Variants in ME3 observed in about 807,000 individuals in gnomAD.
ME3 encodes the protein malic enzyme 3.
In ME3, 48 loss-of-function variants were observed where a neutral mutation model predicts 68.9. The ratio of observed to expected loss-of-function variants is 0.70; its 90% CI spans 0.55 to 0.89. The LOEUF is 0.89. Among genes scored for constraint, ME3 ranks in the 40% least tolerant of loss-of-function variants. ME3 has a pLI of 0.00. For missense variants in ME3, 675 were observed against 797.4 expected (o/e 0.85, Z 1.85); for synonymous variants, 320 against 318.8 (o/e 1.00, Z -0.04).
At chr11:86,438,410 C>T (rs1376799594), downstream of ME3, among the ~76,000 whole-genome samples, 1 of 151,958 alleles carries the variant, frequency 6.6e-6, no homozygotes, top group Non-Finnish European at 1.5e-5. Flanking sequence ...ATTTTTTCAT[C>T]TATATTCATG....
intron 2 of ME3, among the ~76,000 whole-genome samples, chr11:86,601,605 A>G (rs1960672869): frequency 6.6e-6 from 1 of 152,090 alleles, no homozygotes; most frequent in Non-Finnish European, 1.5e-5. Context: ...TCATTTTATG[A>G]GGCCAGCATC....
intron 4 of ME3, among the ~76,000 whole-genome samples, chr11:86,547,354 A>C (rs1191876056): frequency 1.3e-5 from 2 of 152,084 alleles, no homozygotes; most frequent in African/African-American, 2.4e-5. Context: ...GCTGGAAACC[A>C]TCATTCTCAG....
chr11:86,655,817 C>G (rs1945827356), intron 2 of ME3, among the ~76,000 whole-genome samples: 2 of 151,898 alleles, frequency 1.3e-5, no homozygotes, highest in Non-Finnish European at 2.9e-5. Context: ...AGGCAACCTA[C>G]AAAATGGGAG....
chr11:86,449,271 G>A (rs10898483), intron 10 of ME3, among the ~76,000 whole-genome samples: 81,747 of 152,146 alleles, frequency 0.54, 22,377 homozygotes, highest in South Asian at 0.69. Context: ...CTCTCAACAC[G>A]TGCTAGCTGG....
chr11:86,450,853 T>C (rs1949590789), intron 8 of ME3, among the ~76,000 whole-genome samples: 3 of 152,332 alleles, frequency 2.0e-5, no homozygotes, highest in South Asian at 4.1e-4. Flanking sequence ...AGGTTGGCTG[T>C]GTCTGGTCGC....
chr11:86,622,680 T>C (rs1290940690), intron 2 of ME3: 1 of 152,096 alleles, frequency 6.6e-6, no homozygotes, highest in Non-Finnish European at 1.5e-5. Flanking sequence ...CTCCTGTGTA[T>C]ATTTTTTGAT....
At chr11:86,492,195 TCA>T (rs1382765629) in intron 6 of ME3, among the ~76,000 whole-genome samples, 1 of 152,250 alleles carries the variant, frequency 6.6e-6, no homozygotes, top group Admixed American at 6.5e-5. Context: ...ATGATTTCTA[TCA>T]CACAATGCAA....
At chr11:86,650,765 C>T (rs978927096) in intron 2 of ME3, among the ~76,000 whole-genome samples, 1 of 152,148 alleles carries the variant, frequency 6.6e-6, no homozygotes, top group African/African-American at 2.4e-5. Flanking sequence ...GTGGGTGCAG[C>T]ACACCGAGCG....
chr11:86,467,672 C>T (rs1018225697), intron 7 of ME3, among the ~76,000 whole-genome samples: 2 of 49,028 alleles, frequency 4.1e-5, no homozygotes, highest in African/African-American at 1.3e-4. Context: ...TTCTCTCTCT[C>T]TCTCTCTCTC....
At chr11:86,485,501 A>G (rs1951633652) in intron 7 of ME3, among the ~76,000 whole-genome samples, 2 of 152,146 alleles carry the variant, frequency 1.3e-5, no homozygotes, top group Non-Finnish European at 2.9e-5. Flanking sequence ...CCATATCCCA[A>G]TAGCAGCCCT....
intron 2 of ME3, among the ~76,000 whole-genome samples, chr11:86,638,230 G>A (rs911626612): frequency 6.6e-6 from 1 of 152,234 alleles, no homozygotes; most frequent in East Asian, 1.9e-4. Context: ...GTGAGGTTGT[G>A]GTACTGGAAA....
chr11:86,536,138 G>T (rs138828566), intron 4 of ME3, among the ~76,000 whole-genome samples: 3,059 of 152,314 alleles, frequency 0.02, 68 homozygotes, highest in Middle Eastern at 0.044. Context: ...GGGCTGCCTT[G>T]TCTGTTGCAC....
At position 86,559,826 on chromosome 11, in the gene ME3, G is replaced by C; in HGVS notation, c.184-3C>G. The C allele has an allele frequency of 1.2e-6, 2 of 1,612,666 alleles. No individual in the cohort carries two copies. The highest frequency in any genetic ancestry group is 1.7e-6 in the Non-Finnish European group (2 of 1,179,162). On this transcript the variant is annotated splice_polypyrimidine_tract_variant and splice_region_variant and intron_variant, in intron 2 of 14. Coordinates refer to ENST00000543262, the Ensembl canonical transcript of ME3. Reference sequence around the variant, plus strand: ...TCTTCAAGGGTAAAGGCCATCCCCTGGGAAAAACAGGAAAAGAACACCCAC... The same window carrying C: ...TCTTCAAGGGTAAAGGCCATCCCCTCGGAAAAACAGGAAAAGAACACCCAC...
At chr11:86,633,032 G>T (rs1412465633) in intron 2 of ME3, among the ~76,000 whole-genome samples, 1 of 152,182 alleles carries the variant, frequency 6.6e-6, no homozygotes, top group Admixed American at 6.5e-5. Flanking sequence ...GGATGTTGAG[G>T]GTTCCCACAG....
intron 4 of ME3, among the ~76,000 whole-genome samples, chr11:86,528,189 A>C (rs1006737587): frequency 1.6e-4 from 24 of 152,234 alleles, no homozygotes; most frequent in African/African-American, 5.5e-4. Context: ...AAACAAAAAA[A>C]GGCAGGGGTT....
intron 2 of ME3, among the ~76,000 whole-genome samples, chr11:86,597,342 G>A (rs1177540720): frequency 6.6e-6 from 1 of 152,234 alleles, no homozygotes; most frequent in African/African-American, 2.4e-5. Context: ...GATAGAGACA[G>A]TTAGCAGCTT....
intron 2 of ME3, among the ~76,000 whole-genome samples, chr11:86,634,407 C>G (rs1350299170): frequency 6.6e-6 from 1 of 152,152 alleles, no homozygotes; most frequent in African/African-American, 2.4e-5. Flanking sequence ...TCAGCATGCC[C>G]GTGGGACAGC....
chr11:86,503,910 T>G (rs550579848), intron 5 of ME3, among the ~76,000 whole-genome samples: 57 of 152,248 alleles, frequency 3.7e-4, no homozygotes, highest in African/African-American at 1.3e-3. Context: ...CTCCAGGCAA[T>G]GGCCACTGTG....
rs1395192285 is a variant in ME3, at chr11:86,448,258, A to G, written c.1132-3T>C. On this transcript the variant is annotated splice_polypyrimidine_tract_variant and splice_region_variant and intron_variant, in intron 10 of 14. Coordinates refer to ENST00000543262, the Ensembl canonical transcript of ME3. ...TCATGGTTCAGGTGGCTCCTCCCCTACAGGAAAAGGAACACAGAGCAGTTG... is the reference window on the plus strand; with the variant it reads ...TCATGGTTCAGGTGGCTCCTCCCCTGCAGGAAAAGGAACACAGAGCAGTTG... 3 of 1,609,846 alleles carry G rather than the reference A, an allele frequency of 1.9e-6. No homozygotes were observed. Among genetic ancestry groups the G allele is most frequent in the East Asian group, 2.2e-5 (1 of 44,874 alleles).
Sources: allele counts gnomAD v4.1 joint callset (sites outside exome capture counted in the v4.1 genomes callset), GRCh38; gene constraint gnomAD v4.1.1; transcripts MANE v1.5; gene names NCBI Gene and HGNC (gene_info 2026-07-23, HGNC 2026-07-21).